Variants in PCDHGA3 observed in about 807,000 individuals in gnomAD.
The protein encoded by PCDHGA3 is protocadherin gamma subfamily A, 3, also known as protocadherin gamma-A3.
PCDHGA3 carries 40 observed loss-of-function variants against 58.5 expected under a neutral mutation model. The observed-to-expected ratio is 0.68, with a 90% CI of 0.53 to 0.89. The LOEUF (loss-of-function observed/expected upper bound fraction) is 0.89. Ranked by LOEUF, PCDHGA3 falls within the 40% of genes least tolerant of loss-of-function variation. The pLI is 0.00. For missense variants in PCDHGA3, 1,223 were observed against 1,195.9 expected, an observed-to-expected ratio of 1.02 and a Z score of -0.33; for synonymous variants, 530 against 525.7, an observed-to-expected ratio of 1.01 and a Z score of -0.11.
chr5:141,384,864 A>G (rs202180798), intron 1 of PCDHGA3: 3 of 1,613,702 alleles, frequency 1.9e-6, no homozygotes, highest in Non-Finnish European at 2.5e-6. Flanking sequence ...CTCCTCTGTC[A>G]GCCACCGTCA....
chr5:141,360,265 A>C, intron 1 of PCDHGA3: 1 of 1,613,874 alleles, frequency 6.2e-7, no homozygotes, highest in Non-Finnish European at 8.5e-7. Context: ...GCTGGCCAAA[A>C]ACTCGGTCGT....
At chr5:141,375,842 C>A (rs547807235) in intron 1 of PCDHGA3, 13 of 1,614,122 alleles carry the variant, frequency 8.1e-6, no homozygotes, top group Non-Finnish European at 1.1e-5. Flanking sequence ...GCCCGGCTAC[C>A]TGGTGACCAA....
chr5:141,410,561 G>T (rs201832666), intron 1 of PCDHGA3: 171 of 1,612,580 alleles, frequency 1.1e-4, no homozygotes, highest in Admixed American at 2.7e-4. Context: ...TTCTCCTGGA[G>T]CCTTAATTCC....
rs760316359 is a variant in PCDHGA3 at position 141,360,511 on chromosome 5, A to G, written c.2424+14054A>G. On this transcript the variant is annotated intron_variant, in intron 1 of 3. Coordinates refer to ENST00000253812, the MANE Select transcript of PCDHGA3 (RefSeq NM_018916.4). Reference sequence around the variant, plus strand: ...CTACATAGCAGTAATTGTGCAGGATATAAATGATAATACCCCGCTATTCAA... The same window carrying G: ...CTACATAGCAGTAATTGTGCAGGATGTAAATGATAATACCCCGCTATTCAA... 5.6e-6 allele frequency: 9 copies of G among 1,613,906 alleles called. No individual in the cohort carries two copies. In the East Asian group the frequency reaches 1.1e-4, roughly 20 times the overall value.
rs936869534 is a variant in PCDHGA3, at chr5:141,371,001, G to T, written c.2424+24544G>T. The T allele has an allele frequency of 1.9e-6, 3 of 1,613,852 alleles. No homozygotes were observed. In the African/African-American group the frequency reaches 4.0e-5, roughly 22 times the overall value. ...AGTACTGAAAGCACCCCTGGACAGG[G>T]AAGAGCAGCCACATCACCACCTGGT... On this transcript the variant is annotated intron_variant, in intron 1 of 3. Coordinates refer to ENST00000253812, the MANE Select transcript of PCDHGA3 (RefSeq NM_018916.4).
chr5:141,366,221 G>C lies in PCDHGA3; in HGVS notation c.2424+19764G>C, dbSNP rs774963460. 7 of 1,613,716 alleles carry C rather than the reference G, an allele frequency of 4.3e-6. No individual in the cohort carries two copies. The East Asian group carries it at 1.6e-4, about 36-fold the overall frequency. ...CACGGGCGAGGTGCGCACAGCGCGA[G>C]CCCTGCTGGACAGAGACGCGCTCAA... On this transcript the variant is annotated intron_variant, in intron 1 of 3. Coordinates refer to ENST00000253812, the MANE Select transcript of PCDHGA3 (RefSeq NM_018916.4).
At chr5:141,495,240 C>T (rs2099759761) in intron 2 of PCDHGA3, among the ~76,000 whole-genome samples, 1 of 152,182 alleles carries the variant, frequency 6.6e-6, no homozygotes, top group South Asian at 2.1e-4. Context: ...TCCATTATGA[C>T]CTGGGGCTCA....
rs776864431 is a variant in PCDHGA3 at position 141,365,544 on chromosome 5, TAAC to T, written c.2424+19091_2424+19093del. ...TCAGTTGATAATTACTATCACCTATTAACAACTAGGGACCTGGACAGAGAAGAG... is the reference window on the plus strand; with the variant it reads ...TCAGTTGATAATTACTATCACCTATTAACTAGGGACCTGGACAGAGAAGAG... On this transcript the variant is annotated intron_variant, in intron 1 of 3. Transcript: ENST00000253812. 1.9e-6 allele frequency: 3 copies of T among 1,613,800 alleles called. No individual in the cohort carries two copies. In the East Asian group the frequency reaches 6.7e-5, roughly 36 times the overall value.
intron 1 of PCDHGA3, chr5:141,362,169 C>T (rs1762357316): frequency 6.2e-7 from 1 of 1,614,046 alleles, no homozygotes; most frequent in Non-Finnish European, 8.5e-7. Flanking sequence ...TCAGCGACCG[C>T]CGGGAGCCCT....
chr5:141,360,842 A>T, intron 1 of PCDHGA3: 1 of 1,614,028 alleles, frequency 6.2e-7, no homozygotes, highest in South Asian at 1.1e-5. Context: ...ACGGATGCCA[A>T]CGATAACCCT....
intron 3 of PCDHGA3, among the ~76,000 whole-genome samples, chr5:141,505,989 T>C (rs1275642739): frequency 6.6e-6 from 1 of 152,136 alleles, no homozygotes; most frequent in Non-Finnish European, 1.5e-5. Context: ...ACACCTCCTC[T>C]TTATGCGAGG....
In PCDHGA3 at chr5:141,487,365, G is replaced by A. The variant is rs1466536791; in HGVS notation, c.2425-7442G>A. On this transcript the variant is annotated intron_variant, in intron 1 of 3. Coordinates refer to ENST00000253812, the MANE Select transcript of PCDHGA3 (RefSeq NM_018916.4). This position sits in a 1 kb window ranked among gnomAD's most constrained non-coding sequence, Gnocchi z 5.0. ...GTCACATGCTTTCCTGCTGGCACCT[G>A]TGCCTGTCTCACCAGATCTCGAAGG... The A allele has an allele frequency of 1.2e-6, 2 of 1,614,068 alleles. No homozygotes were observed. Among genetic ancestry groups the A allele is most frequent in the South Asian group, 1.1e-5 (1 of 91,088 alleles).
At chr5:141,353,116 T>C (rs1355584798) in intron 1 of PCDHGA3, among the ~76,000 whole-genome samples, 13 of 152,218 alleles carry the variant, frequency 8.5e-5, no homozygotes, top group Non-Finnish European at 7.3e-5. Context: ...TGGAGATTGC[T>C]TTCTTGATTG....
intron 1 of PCDHGA3, chr5:141,400,205 C>CCACCACCA: frequency 6.2e-7 from 1 of 1,614,016 alleles, no homozygotes; most frequent in South Asian, 1.1e-5. Flanking sequence ...GTGGCCTTGG[C>CCACCACCA]CTTGATCTCA....
chr5:141,389,569 A>T, intron 1 of PCDHGA3: 2 of 1,613,182 alleles, frequency 1.2e-6, no homozygotes, highest in Non-Finnish European at 1.7e-6. Context: ...CGGGTGCTGT[A>T]CCCCGCGCTG....
chr5:141,372,700 A>G (rs1768981627), intron 1 of PCDHGA3: 1 of 1,614,002 alleles, frequency 6.2e-7, no homozygotes, highest in South Asian at 1.1e-5. Context: ...AAATTTCTCA[A>G]TATAAAGGCT....
intron 1 of PCDHGA3, chr5:141,389,614 C>T: frequency 1.2e-6 from 2 of 1,613,064 alleles, no homozygotes; most frequent in Non-Finnish European, 1.7e-6. Context: ...GATATGGTGC[C>T]GCACGCTGCA....
chr5:141,362,129 C>T, intron 1 of PCDHGA3: 2 of 1,614,016 alleles, frequency 1.2e-6, no homozygotes, highest in Non-Finnish European at 1.7e-6. Flanking sequence ...CTAATCTTCG[C>T]GGATAGCCTG....
At chr5:141,355,876 G>A (rs1760026876) in intron 1 of PCDHGA3, 1 of 1,612,914 alleles carries the variant, frequency 6.2e-7, no homozygotes, top group African/African-American at 1.3e-5. Context: ...CTCTGGCACT[G>A]CCAGGATTCT....
Sources: gnomAD v4.1 joint callset for allele counts (sites outside exome capture counted in the v4.1 genomes callset) on GRCh38, gnomAD v4.1.1 for gene constraint, Gnocchi (gnomAD v3.1) non-coding constraint, MANE v1.5 for transcripts, NCBI Gene and HGNC (gene_info 2026-07-23, HGNC 2026-07-21) for gene names.